The following PWWP4 variants were observed in gnomAD, a reference collection of about 807,000 sequenced individuals.
The protein encoded by PWWP4 is PWWP domain containing 4.
At chrX:153,271,153 T>C (rs1279610413), upstream of PWWP4, among the ~76,000 whole-genome samples, 3 of 114,498 alleles carry the variant, frequency 2.6e-5, no homozygotes, top group Admixed American at 1.8e-4. Flanking sequence ...TCCCTGCTGG[T>C]ACACCCACCT....
chrX:153,271,478 C>A (rs1380040980), upstream of PWWP4, among the ~76,000 whole-genome samples: 1 of 108,495 alleles, frequency 9.2e-6, no homozygotes, highest in Non-Finnish European at 1.9e-5. Flanking sequence ...GGAACACAGC[C>A]CACCCACACT....
upstream of PWWP4, among the ~76,000 whole-genome samples, chrX:153,271,555 G>T (rs1276332680): frequency 9.3e-6 from 1 of 108,096 alleles, no homozygotes; most frequent in African/African-American, 3.5e-5. Context: ...AGAGACCTAC[G>T]GTAGCAGAGG....
chrX:153,266,457 G>A, the PWWP4 span, among the ~76,000 whole-genome samples: 32 of 98,550 alleles, frequency 3.2e-4, no homozygotes, highest in Non-Finnish European at 4.8e-4. Flanking sequence ...ATGTGTGTGC[G>A]TGTTTGTATG....
chrX:153,272,714 G>A (rs1205946629), exon 1 of PWWP4, among the ~76,000 whole-genome samples: 30 of 113,159 alleles, frequency 2.7e-4, no homozygotes, highest in African/African-American at 5.8e-4. Flanking sequence ...GGTGCCCTGC[G>A]CGGAGACAGG....
upstream of PWWP4, among the ~76,000 whole-genome samples, chrX:153,268,515 C>CCT (rs1326814760): frequency 4.6e-5 from 3 of 65,859 alleles, no homozygotes; most frequent in Admixed American, 2.0e-4. Context: ...TACCTACCTA[C>CCT]CTCTCTCTCT....
chrX:153,276,026 G>A (rs1260657910), exon 1 of PWWP4, among the ~76,000 whole-genome samples: 3 of 95,310 alleles, frequency 3.1e-5, no homozygotes, highest in East Asian at 4.8e-4. Flanking sequence ...GGCCCTCTGC[G>A]CGGTGACAGC....
upstream of PWWP4, among the ~76,000 whole-genome samples, chrX:153,269,188 TGTGTGTGG>T (rs1215854753): frequency 3.8e-5 from 2 of 52,815 alleles, no homozygotes; most frequent in African/African-American, 1.7e-4. Flanking sequence ...TGTGTGTGTG[TGTGTGTGG>T]AGAGAGAGAG....
upstream of PWWP4, among the ~76,000 whole-genome samples, chrX:153,270,343 C>T: frequency 9.7e-6 from 1 of 102,847 alleles, no homozygotes; most frequent in Admixed American, 1.1e-4. Flanking sequence ...CTAGCATACG[C>T]TAAGTGGCAT....
the PWWP4 span, among the ~76,000 whole-genome samples, chrX:153,266,413 G>A: frequency 3.0e-5 from 3 of 98,763 alleles, no homozygotes; most frequent in Admixed American, 1.1e-4. Flanking sequence ...GTGTGTTTGG[G>A]GGTGTGTGTG....
upstream of PWWP4, among the ~76,000 whole-genome samples, chrX:153,271,495 C>T (rs1459852362): frequency 9.2e-6 from 1 of 108,178 alleles, no homozygotes; most frequent in African/African-American, 3.5e-5. Context: ...CACTGCACCC[C>T]CTTTGCAGTC....
At chrX:153,270,219 A>G (rs1388339234), upstream of PWWP4, among the ~76,000 whole-genome samples, 2 of 108,138 alleles carry the variant, frequency 1.8e-5, no homozygotes, top group African/African-American at 6.9e-5. Flanking sequence ...ACACAGAGAG[A>G]GAGAGAGAGA....
Position 153,271,797 on chromosome X carries a change from G to GT in PWWP4, c.183dup (p.Glu62Ter), listed in dbSNP as rs2051807493. Among the ~76,000 whole-genome samples the GT allele has an allele frequency of 1.4e-5, 1 of 73,761 alleles. No individual in the cohort carries two copies. The highest frequency in any genetic ancestry group is 2.4e-5 in the Non-Finnish European group (1 of 41,504). The allele number at this position is 73,761 out of a possible 115,157, so 64.1% of individuals were successfully genotyped here. ...GCACAGACGTGAAGACCCCAACTAA[G>GT]TTTGAGATGGAAGACATTGCCGCCT... is the stretch of plus-strand genomic sequence containing the variant. On this transcript the variant is annotated frameshift_variant, in exon 1 of 1. Transcript: ENST00000458091. LOFTEE classifies it high-confidence loss of function.
chrX:153,266,534 T>C, the PWWP4 span, among the ~76,000 whole-genome samples: 1 of 108,285 alleles, frequency 9.2e-6, no homozygotes, highest in Non-Finnish European at 1.9e-5. Context: ...TGTGTATGGA[T>C]GTGTGTGTGT....
chrX:153,266,276 T>G, the PWWP4 span, among the ~76,000 whole-genome samples: 2 of 96,179 alleles, frequency 2.1e-5, no homozygotes, highest in Admixed American at 2.3e-4. Flanking sequence ...GGGGGGGAGG[T>G]GAGGGCGTAT....
At position 153,271,989 on chromosome X, in the gene PWWP4, GC is replaced by G. The variant is rs1242151207; in HGVS notation, c.375del (p.Glu126LysfsTer19). ...CACCCTCTCAGCTTTCTCAAAAGGTGCCCGAAAAGCCAGCCAGTTCTGTCCC... is the reference window on the plus strand; with the variant it reads ...CACCCTCTCAGCTTTCTCAAAAGGTGCCGAAAAGCCAGCCAGTTCTGTCCC... On this transcript the variant is annotated frameshift_variant, in exon 1 of 1. Transcript: ENST00000458091. LOFTEE classifies it high-confidence loss of function. 1.3e-5 allele frequency among the ~76,000 whole-genome samples: 1 copy of G among 78,873 alleles called. No individual in the cohort carries two copies. Among genetic ancestry groups the G allele is most frequent in the African/African-American group, 4.8e-5 (1 of 20,938 alleles). The allele number at this position is 78,873 out of a possible 115,157, so 68.5% of individuals were successfully genotyped here. A position where few individuals can be genotyped will look rare whatever the true frequency, so the allele number is the denominator to read the frequency against.
At chrX:153,270,070 A>G (rs2051801443), upstream of PWWP4, among the ~76,000 whole-genome samples, 1 of 108,743 alleles carries the variant, frequency 9.2e-6, no homozygotes, top group Admixed American at 1.0e-4. Flanking sequence ...CTCATATTCT[A>G]TGCTAACCCA....
upstream of PWWP4, among the ~76,000 whole-genome samples, chrX:153,271,242 T>C (rs2051805380): frequency 8.8e-6 from 1 of 113,749 alleles, no homozygotes; most frequent in Non-Finnish European, 1.9e-5. Context: ...AAAGCTTCTG[T>C]GGACCTTCTG....
At chrX:153,269,854 C>A (rs2051800674), upstream of PWWP4, among the ~76,000 whole-genome samples, 2 of 112,419 alleles carry the variant, frequency 1.8e-5, no homozygotes, top group Admixed American at 1.9e-4. Flanking sequence ...CCTCACTGTA[C>A]AGACGTTCAC....
chrX:153,269,826 T>C (rs1183496759), upstream of PWWP4, among the ~76,000 whole-genome samples: 200 of 111,074 alleles, frequency 1.8e-3, 1 homozygote, highest in African/African-American at 6.1e-3. Context: ...TAAATAAAGT[T>C]TGGAACTAGC....
Sources: allele counts gnomAD v4.1 joint callset (sites outside exome capture counted in the v4.1 genomes callset), GRCh38; gene constraint gnomAD v4.1.1; transcripts MANE v1.5; gene names NCBI Gene and HGNC (gene_info 2026-07-23, HGNC 2026-07-21).